Variants in NKAIN3 observed in about 807,000 individuals in gnomAD.
NKAIN3 encodes the protein sodium/potassium-transporting ATPase subunit beta-1-interacting protein 3.
In NKAIN3, 25 loss-of-function variants were observed where a neutral mutation model predicts 30.2. The observed-to-expected ratio is 0.83, with a 90% CI of 0.60 to 1.16. The LOEUF (loss-of-function observed/expected upper bound fraction) is 1.16. Ranked by LOEUF, NKAIN3 falls within the 50% of genes most tolerant of loss-of-function variation. The pLI, the probability that NKAIN3 is intolerant of heterozygous loss-of-function variation, is 0.00. For synonymous variants in NKAIN3, 91 were observed against 89.6 expected, an observed-to-expected ratio of 1.02 and a Z score of -0.09; for missense variants, 225 against 254.1, an observed-to-expected ratio of 0.89 and a Z score of 0.78.
intron 5 of NKAIN3, among the ~76,000 whole-genome samples, chr8:62,923,600 G>A (rs995758578): frequency 3.9e-5 from 6 of 152,144 alleles, no homozygotes; most frequent in South Asian, 2.1e-4. Context: ...ACTGTACCAC[G>A]TCAGAACAAG....
intron 1 of NKAIN3, among the ~76,000 whole-genome samples, chr8:62,445,526 TC>T (rs960745027): frequency 1.3e-5 from 2 of 152,128 alleles, no homozygotes; most frequent in African/African-American, 4.8e-5. Flanking sequence ...GAGTGTACAC[TC>T]CCAACTATTT....
rs1056525172 is a variant in NKAIN3 at position 62,281,989 on chromosome 8, G to A, written c.54+32862G>A. 1.0e-4 allele frequency among the ~76,000 whole-genome samples: 11 copies of A among 108,124 alleles called. 1 individual carries two copies. The highest frequency in any genetic ancestry group is 3.5e-4 in the African/African-American group (11 of 31,428). The allele number at this position is 108,124 out of a possible 152,430, so 70.9% of individuals were successfully genotyped here. On this transcript the variant is annotated intron_variant, in intron 1 of 6. Coordinates refer to ENST00000623646, the MANE Select transcript of NKAIN3 (RefSeq NM_001304533.3). The stretch of plus-strand genomic sequence containing the variant: ...ACCTAAATTCTCTGTCCTCCCTCAA[G>A]TTATCTTTTTTTTTTTTAATTTTCT...
intron 1 of NKAIN3, among the ~76,000 whole-genome samples, chr8:62,381,926 C>CA (rs1466492004): frequency 6.6e-6 from 1 of 152,080 alleles, no homozygotes; most frequent in African/African-American, 2.4e-5. Flanking sequence ...TTGGAGGAGT[C>CA]AGAGTGCTGG....
chr8:62,454,664 T>G (rs1805759301), intron 1 of NKAIN3, among the ~76,000 whole-genome samples: 1 of 152,224 alleles, frequency 6.6e-6, no homozygotes, highest in African/African-American at 2.4e-5. Flanking sequence ...TTCCTGACAT[T>G]GAATATTAAG....
chr8:62,897,457 C>G (rs552342537), intron 4 of NKAIN3, among the ~76,000 whole-genome samples: 2 of 151,988 alleles, frequency 1.3e-5, no homozygotes, highest in East Asian at 3.9e-4. Context: ...AATCTAGTGG[C>G]CTTCAGGACT....
chr8:62,947,736 T>C (rs1823165548), intron 5 of NKAIN3, among the ~76,000 whole-genome samples: 1 of 152,136 alleles, frequency 6.6e-6, no homozygotes, highest in Admixed American at 6.5e-5. Flanking sequence ...GCAAGGAAGC[T>C]CAGGCCACAT....
chr8:62,520,312 G>A (rs1433658990), intron 1 of NKAIN3, among the ~76,000 whole-genome samples: 1 of 152,030 alleles, frequency 6.6e-6, no homozygotes, highest in Admixed American at 6.6e-5. Context: ...ATTTTCCACC[G>A]ATTAAAGGAT....
intron 3 of NKAIN3, among the ~76,000 whole-genome samples, chr8:62,745,198 G>A (rs1040187628): frequency 1.1e-4 from 17 of 152,142 alleles, no homozygotes; most frequent in Admixed American, 7.2e-4. Context: ...TCAATTTCAG[G>A]CATTTAGGTG....
At position 62,800,390 on chromosome 8, in the gene NKAIN3, A is replaced by G. The variant is rs150043884; in HGVS notation, c.471+53261A>G. Among the ~76,000 whole-genome samples the G allele has an allele frequency of 5.1e-4, 77 of 152,276 alleles. No homozygotes were observed. The Middle Eastern group carries it at 0.01, about 20-fold the overall frequency. On this transcript the variant is annotated intron_variant, in intron 4 of 6. Transcript: ENST00000623646. ...AAGTATTCTAGGACTCTGGAGTAAG[A>G]CCAAAGACCAAGTCTACCACTCTGC...
chr8:62,250,074 A>AT (rs567202261), intron 1 of NKAIN3, among the ~76,000 whole-genome samples: 97 of 152,078 alleles, frequency 6.4e-4, no homozygotes, highest in African/African-American at 2.2e-3. Flanking sequence ...CAAGCATTGT[A>AT]TTTTTTTTCG....
At chr8:62,564,400 C>T (rs1213457592) in intron 1 of NKAIN3, among the ~76,000 whole-genome samples, 3 of 152,100 alleles carry the variant, frequency 2.0e-5, no homozygotes, top group Non-Finnish European at 4.4e-5. Context: ...CAAAACAGCT[C>T]CAAACCCGAC....
At chr8:62,739,556 G>A (rs1210066866) in intron 3 of NKAIN3, among the ~76,000 whole-genome samples, 1 of 151,708 alleles carries the variant, frequency 6.6e-6, no homozygotes, top group Non-Finnish European at 1.5e-5. Context: ...GTTTATTTTG[G>A]TGCAAAAAAA....
intron 1 of NKAIN3, among the ~76,000 whole-genome samples, chr8:62,382,191 G>T (rs1271464510): frequency 6.6e-6 from 1 of 152,116 alleles, no homozygotes; most frequent in Non-Finnish European, 1.5e-5. Flanking sequence ...TTTACATGTT[G>T]TATAGTATAA....
chr8:62,870,888 C>CATCTA (rs1563604624), intron 4 of NKAIN3, among the ~76,000 whole-genome samples: 14 of 40,050 alleles, frequency 3.5e-4, no homozygotes, highest in African/African-American at 1.4e-3. Context: ...TAAATGAAGC[C>CATCTA]GTCTTACTGT....
chr8:62,848,510 C>A (rs1377508570), intron 4 of NKAIN3, among the ~76,000 whole-genome samples: 5 of 152,094 alleles, frequency 3.3e-5, no homozygotes, highest in Non-Finnish European at 7.4e-5. Flanking sequence ...AATTTTTGCT[C>A]ATTGATTTTG....
intron 1 of NKAIN3, among the ~76,000 whole-genome samples, chr8:62,299,592 G>A (rs1813971227): frequency 6.6e-6 from 1 of 151,980 alleles, no homozygotes; most frequent in Non-Finnish European, 1.5e-5. Flanking sequence ...ATGAAGTCAA[G>A]ATTTATATTC....
chr8:62,851,821 G>T (rs1413689796), intron 4 of NKAIN3, among the ~76,000 whole-genome samples: 3 of 152,146 alleles, frequency 2.0e-5, no homozygotes, highest in Non-Finnish European at 4.4e-5. Context: ...TGATCATGGT[G>T]GATAAGCTTT....
intron 1 of NKAIN3, among the ~76,000 whole-genome samples, chr8:62,300,909 G>A (rs891307681): frequency 6.6e-5 from 10 of 152,050 alleles, no homozygotes; most frequent in Non-Finnish European, 1.0e-4. Context: ...AAATCATTAC[G>A]AAGTACAAAT....
chr8:62,427,346 C>G (rs1353965002), intron 1 of NKAIN3, among the ~76,000 whole-genome samples: 1 of 151,994 alleles, frequency 6.6e-6, no homozygotes, highest in Non-Finnish European at 1.5e-5. Context: ...CTGAGATCCT[C>G]TGCTGAGCAA....
Sources: gnomAD v4.1 joint callset for allele counts (sites outside exome capture counted in the v4.1 genomes callset) on GRCh38, gnomAD v4.1.1 for gene constraint, MANE v1.5 for transcripts, NCBI Gene and HGNC (gene_info 2026-07-23, HGNC 2026-07-21) for gene names.